MINK1: variants seen among roughly 807,000 people sequenced by gnomAD.
MINK1 encodes misshapen-like kinase 1.
MINK1 carries 46 observed loss-of-function variants against 178.4 expected under a neutral mutation model. The ratio of observed to expected loss-of-function variants is 0.26; its 90% CI spans 0.20 to 0.33. The LOEUF is 0.33. Ranked by LOEUF, MINK1 falls within the 10% of genes least tolerant of loss-of-function variation. The pLI, the probability that MINK1 is intolerant of heterozygous loss-of-function variation, is 1.00. For missense variants in MINK1, 1,366 were observed against 1,814.9 expected, an observed-to-expected ratio of 0.75 and a Z score of 4.49; for synonymous variants, 797 against 709.7, an observed-to-expected ratio of 1.12 and a Z score of -1.96.
chr17:4,897,161 C>A, intron 31 of MINK1, 43 bp from the exon 32 acceptor site: 2 of 1,562,334 alleles, frequency 1.3e-6, no homozygotes, highest in Non-Finnish European at 1.8e-6. Context: ...GAGACACCCC[C>A]CCAACCTCAG....
chr17:4,897,540 A>C lies in MINK1; in HGVS notation c.*253A>C. On this transcript the variant is annotated 3_prime_UTR_variant, in exon 32 of 32. Coordinates refer to ENST00000355280, the MANE Select transcript of MINK1 (RefSeq NM_153827.5). ...GGGAGGGACACAGCTTCCCCTTCCC[A>C]GGAATTGAGTGGGCCTAGCCCCTCC... 2.1e-6 allele frequency: 1 copy of C among 485,374 alleles called. No homozygotes were observed. Among genetic ancestry groups the C allele is most frequent in the Non-Finnish European group, 3.7e-6 (1 of 269,782 alleles). 30.1% of individuals were successfully genotyped at this position (485,374 alleles called of 1,614,324 possible).
intron 4 of MINK1, 83 bp from the exon 5 acceptor site, chr17:4,884,280 G>C (rs376719813): frequency 9.4e-7 from 1 of 1,058,830 alleles, no homozygotes; most frequent in African/African-American, 1.6e-5. Flanking sequence ...TCCTCCTCCA[G>C]GAGTCTAGCA....
intron 1 of MINK1, among the ~76,000 whole-genome samples, chr17:4,857,936 T>C (rs1177454734): frequency 6.7e-6 from 1 of 149,866 alleles, no homozygotes; most frequent in African/African-American, 2.5e-5. Context: ...TGTATCCTTG[T>C]GGAACTTAAC....
At position 4,895,856 on chromosome 17, in the gene MINK1, C is replaced by T. The variant is rs775372565; in HGVS notation, c.3364+24C>T. 5 of 1,610,588 alleles carry T rather than the reference C, an allele frequency of 3.1e-6. No homozygotes were observed. The highest frequency in any genetic ancestry group is 4.2e-6 in the Non-Finnish European group (5 of 1,178,102). On this transcript the variant is annotated intron_variant, in intron 27 of 31. Coordinates refer to ENST00000355280, the MANE Select transcript of MINK1 (RefSeq NM_153827.5). The surrounding 1 kb of genome is among the most constrained non-coding windows in gnomAD (Gnocchi z 4.3). ...TGGTGAGGATGTCCCAACAGAGTGG[C>T]CAGCGCATACTTGTTCATGAAGAGA... is the stretch of plus-strand genomic sequence containing the variant.
At chr17:4,892,552 T>C (rs1254483544) in intron 18 of MINK1, 40 bp downstream of exon 18, 23 of 1,541,416 alleles carry the variant, frequency 1.5e-5, no homozygotes, top group Non-Finnish European at 2.0e-5. Context: ...ACCTCTCACT[T>C]CTGCCACCCG....
At chr17:4,889,383 A>G (rs1221429753) in intron 12 of MINK1, among the ~76,000 whole-genome samples, 2 of 151,760 alleles carry the variant, frequency 1.3e-5, no homozygotes, top group African/African-American at 4.8e-5. Flanking sequence ...GGGTGTGGGG[A>G]GTGGAAGGTG....
chr17:4,850,791 T>C (rs763707279), intron 1 of MINK1, among the ~76,000 whole-genome samples: 9 of 152,300 alleles, frequency 5.9e-5, no homozygotes, highest in Non-Finnish European at 1.2e-4. Context: ...TAATGATCTG[T>C]TTGTGCTGCA....
chr17:4,888,990 G>A (rs928395667), intron 12 of MINK1, among the ~76,000 whole-genome samples: 3 of 152,056 alleles, frequency 2.0e-5, no homozygotes, highest in Non-Finnish European at 2.9e-5. Flanking sequence ...GTGAGCCACC[G>A]CGCCCAGCCA....
rs377660746 is a variant in MINK1 at position 4,892,175 on chromosome 17, C to T, written c.2028C>T (p.Ala676=). The T allele has an allele frequency of 1.6e-5, 26 of 1,601,472 alleles. No individual in the cohort carries two copies. The highest frequency in any genetic ancestry group is 2.1e-5 in the Non-Finnish European group (25 of 1,175,048). Residue 676 remains alanine, a synonymous_variant, in exon 17 of 32, where the codon GCC becomes GCT. Transcript: ENST00000355280. ...PKVPQRTSSI[A]TALNTSGAGG... Reference sequence around the variant, plus strand: ...TGCCTCAGAGGACCTCATCTATCGCCACTGCCCTTAACACCAGTGGGGCCG... The same window carrying T: ...TGCCTCAGAGGACCTCATCTATCGCTACTGCCCTTAACACCAGTGGGGCCG...
intron 1 of MINK1, among the ~76,000 whole-genome samples, chr17:4,873,578 C>T (rs1246483236): frequency 6.6e-6 from 1 of 151,924 alleles, no homozygotes; most frequent in Non-Finnish European, 1.5e-5. Flanking sequence ...GCCTGCTCTC[C>T]CACAACACAG....
intron 4 of MINK1, among the ~76,000 whole-genome samples, chr17:4,883,969 C>A (rs1967960264): frequency 6.6e-6 from 1 of 151,864 alleles, no homozygotes; most frequent in South Asian, 2.1e-4. Flanking sequence ...ATTCCTTGGA[C>A]TCCTACTCTA....
At chr17:4,880,846 GC>G (rs1967634255) in intron 2 of MINK1, 137 bp from the exon 3 acceptor site, 1 of 751,246 alleles carries the variant, frequency 1.3e-6, no homozygotes, top group East Asian at 3.0e-5. Flanking sequence ...CAGGCAGTGA[GC>G]CGAGATCGCG....
At chr17:4,867,104 T>TAATAATAATAATAATAATAATAAAAAA (rs1180632644) in intron 1 of MINK1, among the ~76,000 whole-genome samples, 1 of 138,740 alleles carries the variant, frequency 7.2e-6, no homozygotes, top group African/African-American at 2.7e-5. Context: ...ATAATAATAA[T>TAATAATAATAATAATAATAATAAAAAA]AAACTGCACA....
At chr17:4,850,950 T>G in intron 1 of MINK1, 1 of 455,866 alleles carries the variant, frequency 2.2e-6, no homozygotes, top group Non-Finnish European at 4.4e-6. Context: ...CCTTCCTTGC[T>G]CTCTCTGGTG....
rs1432137174 is a variant in MINK1, at chr17:4,886,430, G to A, written c.774-21G>A. On this transcript the variant is annotated intron_variant, in intron 9 of 31. Transcript: ENST00000355280. The surrounding 1 kb of genome is among the most constrained non-coding windows in gnomAD (Gnocchi z 6.1). ...TCCCTTCTGAGGGGACCCTCCCAGT[G>A]TGAGCCACCACTGTTTCCAGGTCTA... 1.3e-6 allele frequency: 2 copies of A among 1,589,024 alleles called. No homozygotes were observed. Among genetic ancestry groups the A allele is most frequent in the East Asian group, 4.5e-5 (2 of 44,698 alleles).
Position 4,896,059 on chromosome 17 carries a change from T to C in MINK1, c.3421T>C (p.Tyr1141His), listed in dbSNP as rs758774112. 2.5e-6 allele frequency: 4 copies of C among 1,607,878 alleles called. No individual in the cohort carries two copies. The highest frequency in any genetic ancestry group is 3.4e-6 in the Non-Finnish European group (4 of 1,177,120). Residue 1141 changes from tyrosine to histidine, a missense_variant, in exon 28 of 32, where the codon TAT becomes CAT. Tyr to His is a moderately conservative substitution (Grantham distance 83). This residue lies in a region of MINK1 where 77 missense variants were observed against 119.5 expected (regional missense o/e 0.64). Coordinates refer to ENST00000355280, the MANE Select transcript of MINK1 (RefSeq NM_153827.5). The surrounding 1 kb of genome is among the most constrained non-coding windows in gnomAD (Gnocchi z 4.6). The part of the protein sequence containing the change: ...VIALKSSVEV[Y>H]AWAPKPYHKF... ...CGCCCTCAAGAGCTCCGTGGAGGTGTATGCCTGGGCCCCCAAACCCTACCA... is the reference window on the plus strand; with the variant it reads ...CGCCCTCAAGAGCTCCGTGGAGGTGCATGCCTGGGCCCCCAAACCCTACCA...
intron 1 of MINK1, among the ~76,000 whole-genome samples, chr17:4,843,566 A>C (rs1910577714): frequency 4.6e-5 from 7 of 152,142 alleles, no homozygotes. Flanking sequence ...TGTTTGGAAC[A>C]AAGATTGCTG....
In MINK1 at chr17:4,860,736, T is replaced by A. The variant is rs374975334; in HGVS notation, c.58-17581T>A. 1.5e-5 allele frequency: 8 copies of A among 519,932 alleles called. No homozygotes were observed. The African/African-American group carries it at 1.5e-4, about 10-fold the overall frequency. 32.2% of individuals were successfully genotyped at this position (519,932 alleles called of 1,614,324 possible). A position where few individuals can be genotyped will look rare whatever the true frequency, so the allele number is the denominator to read the frequency against. On this transcript the variant is annotated intron_variant, in intron 1 of 31. Transcript: ENST00000355280. ...GGCTCAAGGCTGGTGTGTGCCTGGT[T>A]CTCCCCTGGTCAGTTCTAGGGAGCA...
Position 4,854,916 on chromosome 17 carries a change from A to C in MINK1, c.57+21276A>C, listed in dbSNP as rs1912776956. 5 of 418,024 alleles carry C rather than the reference A, an allele frequency of 1.2e-5. No homozygotes were observed. The Admixed American group carries it at 1.4e-4, about 11-fold the overall frequency. 25.9% of individuals were successfully genotyped at this position (418,024 alleles called of 1,614,324 possible). A position where few individuals can be genotyped will look rare whatever the true frequency, so the allele number is the denominator to read the frequency against. On this transcript the variant is annotated intron_variant, in intron 1 of 31. Coordinates refer to ENST00000355280, the MANE Select transcript of MINK1 (RefSeq NM_153827.5). ...GAGTTTTTTTGAAGGCTTCATTAAA[A>C]AGAGTCCAGGCTGGGCGCGGTGGCT...
Sources: gnomAD v4.1 joint callset for allele counts (sites outside exome capture counted in the v4.1 genomes callset) on GRCh38, gnomAD v4.1.1 for gene constraint, gnomAD v4.1.1 regional missense constraint, Gnocchi (gnomAD v3.1) non-coding constraint, MANE v1.5 for transcripts, NCBI Gene and HGNC (gene_info 2026-07-23, HGNC 2026-07-21) for gene names.